PARP11: variants seen among roughly 807,000 people sequenced by gnomAD.
The protein encoded by PARP11 is protein mono-ADP-ribosyltransferase PARP11.
A neutral mutation model predicts 42.9 loss-of-function variants in PARP11; 31 were observed. The observed-to-expected ratio is 0.72, with a 90% CI of 0.54 to 0.98. The LOEUF (loss-of-function observed/expected upper bound fraction) is 0.98, where lower values mean the gene tolerates loss of function less well. Ranked by LOEUF, PARP11 falls within the 50% of genes least tolerant of loss-of-function variation. The probability of loss-of-function intolerance (pLI) is 0.00; values close to 1 mark genes in which losing one functional copy is unlikely to be tolerated. For synonymous variants in PARP11, 137 were observed against 127.3 expected, an observed-to-expected ratio of 1.08 and a Z score of -0.51; for missense variants, 365 against 413.1, an observed-to-expected ratio of 0.88 and a Z score of 1.01.
intron 6 of PARP11, among the ~76,000 whole-genome samples, chr12:3,817,647 A>G (rs1369414864): frequency 6.6e-6 from 1 of 152,216 alleles, no homozygotes; most frequent in Non-Finnish European, 1.5e-5. Flanking sequence ...ACTTACTGAA[A>G]GTACTGTCGC....
Position 3,811,937 on chromosome 12 carries a change from C to A in PARP11, c.*186G>T, listed in dbSNP as rs565225831. Reference sequence around the variant, plus strand: ...TTTTAACAAACAAGACTACAAGAAACAGGCAAAAACAAAACAACAAAAACC... The same window carrying A: ...TTTTAACAAACAAGACTACAAGAAAAAGGCAAAAACAAAACAACAAAAACC... On this transcript the variant is annotated 3_prime_UTR_variant, in exon 8 of 8. Coordinates refer to ENST00000228820, the MANE Select transcript of PARP11 (RefSeq NM_020367.6). 76 of 531,890 alleles carry A rather than the reference C, an allele frequency of 1.4e-4. No individual in the cohort carries two copies. The East Asian group carries it at 1.8e-3, about 12-fold the overall frequency. The allele number at this position is 531,890 out of a possible 1,614,324, so 32.9% of individuals were successfully genotyped here.
intron 1 of PARP11, among the ~76,000 whole-genome samples, chr12:3,838,452 G>A (rs996488703): frequency 2.0e-5 from 3 of 151,944 alleles, no homozygotes; most frequent in Non-Finnish European, 4.4e-5. Context: ...AACAAAAGCA[G>A]TACTAAAAGA....
At position 3,809,640 on chromosome 12, in the gene PARP11, A is replaced by G. The variant is rs1209311593; in HGVS notation, c.*2483T>C. 1 of 152,238 alleles carries G rather than the reference A, an allele frequency of 6.6e-6. No individual in the cohort carries two copies. The highest frequency in any genetic ancestry group is 1.5e-5 in the Non-Finnish European group (1 of 68,036). The allele number at this position is 152,238 out of a possible 1,614,324, so 9.4% of individuals were successfully genotyped here. A position where few individuals can be genotyped will look rare whatever the true frequency, so the allele number is the denominator to read the frequency against. ...GAGCTATGCATATAAAACTTGAAAA[A>G]AGATAGCCATGTTGAAGGGAGGACT... On this transcript the variant is annotated 3_prime_UTR_variant, in exon 8 of 8. Coordinates refer to ENST00000228820, the MANE Select transcript of PARP11 (RefSeq NM_020367.6).
In PARP11 at chr12:3,826,315, C is replaced by T. The variant is rs11062851; in HGVS notation, c.269-82G>A. The T allele has an allele frequency of 4.4e-3, 4,262 of 966,774 alleles. 145 individuals are homozygous for T. In the African/African-American group the frequency reaches 0.065, roughly 15 times the overall value. The allele number at this position is 966,774 out of a possible 1,614,324, so 59.9% of individuals were successfully genotyped here. A position where few individuals can be genotyped will look rare whatever the true frequency, so the allele number is the denominator to read the frequency against. On this transcript the variant is annotated intron_variant, in intron 3 of 7. Transcript: ENST00000228820. ...GTCATGAAGATTAATAGCCACGCTA[C>T]GCGATGATCAGGAATCATGGAGCTT...
rs1408023769 is a variant in PARP11, at chr12:3,840,871, G to T, written c.19-10853C>A. The T allele has an allele frequency of 1.9e-6, 3 of 1,599,974 alleles. No homozygotes were observed. Among genetic ancestry groups the T allele is most frequent in the Non-Finnish European group, 2.6e-6 (3 of 1,167,152 alleles). On this transcript the variant is annotated intron_variant, in intron 1 of 7. Coordinates refer to ENST00000228820, the MANE Select transcript of PARP11 (RefSeq NM_020367.6). This position sits in a 1 kb window ranked among gnomAD's most constrained non-coding sequence, Gnocchi z 4.4. ...TGCAGAACAAAAGCCAGCAGAACATGTGTCTTTGTCAAATCCAGCTCCCCT... is the reference window on the plus strand; with the variant it reads ...TGCAGAACAAAAGCCAGCAGAACATTTGTCTTTGTCAAATCCAGCTCCCCT...
At chr12:3,833,343 T>C (rs951089942) in intron 1 of PARP11, among the ~76,000 whole-genome samples, 1 of 152,124 alleles carries the variant, frequency 6.6e-6, no homozygotes, top group Non-Finnish European at 1.5e-5. Flanking sequence ...CTCACACCTG[T>C]TATCCCAGGG....
chr12:3,841,281 C>A, intron 1 of PARP11: 1 of 1,323,812 alleles, frequency 7.6e-7, no homozygotes, highest in Non-Finnish European at 1.1e-6. Flanking sequence ...GATTCTTCTT[C>A]AATCTTGGTG....
At chr12:3,855,088 C>T (rs1331977282) in intron 1 of PARP11, among the ~76,000 whole-genome samples, 1 of 152,196 alleles carries the variant, frequency 6.6e-6, no homozygotes, top group Non-Finnish European at 1.5e-5. Flanking sequence ...AACAACGCTT[C>T]ATGCTAAAAA....
chr12:3,846,066 G>A (rs552032797), intron 1 of PARP11, among the ~76,000 whole-genome samples: 4 of 151,994 alleles, frequency 2.6e-5, no homozygotes, highest in South Asian at 2.1e-4. Context: ...GTATATATAC[G>A]TATCTTTTGA....
At chr12:3,851,466 C>A (rs570420942) in intron 1 of PARP11, among the ~76,000 whole-genome samples, 38 of 152,390 alleles carry the variant, frequency 2.5e-4, no homozygotes, top group Middle Eastern at 3.4e-3. Context: ...TATCCCGCAC[C>A]TGGCTCAGCG....
Position 3,839,927 on chromosome 12 carries a change from G to GC in PARP11, c.19-9910dup, listed in dbSNP as rs1377414678. Reference sequence around the variant, plus strand: ...ATATCAGATTCAGAGGATGACAGCTGCAAGAGTAAAACTGCTGTTGCTGCT... The same window carrying GC: ...ATATCAGATTCAGAGGATGACAGCTGCCAAGAGTAAAACTGCTGTTGCTGCT... On this transcript the variant is annotated intron_variant, in intron 1 of 7. Coordinates refer to ENST00000228820, the MANE Select transcript of PARP11 (RefSeq NM_020367.6). 48 of 1,130,578 alleles carry GC rather than the reference G, an allele frequency of 4.2e-5. 1 individual carries two copies. Among genetic ancestry groups the GC allele is most frequent in the Non-Finnish European group, 6.0e-5 (44 of 738,594 alleles). 70.0% of individuals were successfully genotyped at this position (1,130,578 alleles called of 1,614,324 possible). A position where few individuals can be genotyped will look rare whatever the true frequency, so the allele number is the denominator to read the frequency against.
rs1333396074 is a variant in PARP11, at chr12:3,809,487, G to GCGTT, written c.*2632_*2635dup. The stretch of plus-strand genomic sequence containing the variant: ...CATAGAAACCAACTAGGTAAGTTCA[G>GCGTT]CGTTCGCAGAGATTGCCTCACAGAT... On this transcript the variant is annotated 3_prime_UTR_variant, in exon 8 of 8. Transcript: ENST00000228820. The GCGTT allele has an allele frequency of 2.6e-5, 4 of 152,270 alleles. No individual in the cohort carries two copies. Among genetic ancestry groups the GCGTT allele is most frequent in the Admixed American group, 1.3e-4 (2 of 15,294 alleles). The allele number at this position is 152,270 out of a possible 1,614,324, so 9.4% of individuals were successfully genotyped here.
intron 1 of PARP11, among the ~76,000 whole-genome samples, chr12:3,852,663 T>G (rs1052206325): frequency 2.0e-5 from 3 of 152,228 alleles, no homozygotes; most frequent in Non-Finnish European, 4.4e-5. Context: ...TTGATTGGTG[T>G]ACCTGAAAGT....
rs1041329171 is a variant in PARP11 at position 3,810,461 on chromosome 12, G to C, written c.*1662C>G. 6.6e-6 allele frequency: 1 copy of C among 152,328 alleles called. No homozygotes were observed. Among genetic ancestry groups the C allele is most frequent in the Admixed American group, 6.5e-5 (1 of 15,270 alleles). 9.4% of individuals were successfully genotyped at this position (152,328 alleles called of 1,614,324 possible). On this transcript the variant is annotated 3_prime_UTR_variant, in exon 8 of 8. Transcript: ENST00000228820. The stretch of plus-strand genomic sequence containing the variant: ...AAAAATTAGCCGGGCATGGTGGTAT[G>C]CACCTGTAGTCCCAGTAACTGGAGA...
chr12:3,873,218 C>G lies in PARP11; in HGVS notation c.12G>C (p.Ala4=). 6.7e-7 allele frequency: 1 copy of G among 1,496,448 alleles called. No individual in the cohort carries two copies. Among genetic ancestry groups the G allele is most frequent in the East Asian group, 2.6e-5 (1 of 37,748 alleles). The allele number at this position is 1,496,448 out of a possible 1,614,324, so 92.7% of individuals were successfully genotyped here. A position where few individuals can be genotyped will look rare whatever the true frequency, so the allele number is the denominator to read the frequency against. MWE[A]NPEMFHKAEE... is the part of the protein sequence containing the mutation. ...GTCCCGCCCGGCTACTCACTGGATT[C>G]GCTTCCCACATAACGGTGACAAAAT... The change falls in exon 1 of 8, where the codon GCG becomes GCC. Residue 4 remains alanine (A), a synonymous_variant. Transcript: ENST00000228820.
intron 1 of PARP11, among the ~76,000 whole-genome samples, chr12:3,852,877 CAGAG>C (rs935969058): frequency 2.0e-5 from 3 of 152,104 alleles, no homozygotes; most frequent in African/African-American, 7.2e-5. Context: ...TAAGGGCAGC[CAGAG>C]AGAAAGGTCA....
chr12:3,814,959 TAA>T (rs1009068108), intron 6 of PARP11: 11 of 450,620 alleles, frequency 2.4e-5, no homozygotes, highest in Admixed American at 1.7e-4. Flanking sequence ...ACACAGGTAG[TAA>T]AAAATACAAA....
At chr12:3,843,271 G>T (rs1189517804) in intron 1 of PARP11, among the ~76,000 whole-genome samples, 1 of 152,184 alleles carries the variant, frequency 6.6e-6, no homozygotes, top group African/African-American at 2.4e-5. Context: ...TAGCACTGGT[G>T]TAAATATCAT....
intron 1 of PARP11, among the ~76,000 whole-genome samples, chr12:3,831,185 C>A (rs751243006): frequency 2.6e-5 from 4 of 152,012 alleles, no homozygotes; most frequent in Non-Finnish European, 4.4e-5. Flanking sequence ...ATTCCTGGTA[C>A]CTTCTCACTT....
Sources: allele counts gnomAD v4.1 joint callset (sites outside exome capture counted in the v4.1 genomes callset), GRCh38; gene constraint gnomAD v4.1.1; non-coding constraint Gnocchi (gnomAD v3.1); transcripts MANE v1.5; gene names NCBI Gene and HGNC (gene_info 2026-07-23, HGNC 2026-07-21).